The following SBF2 variants were observed in gnomAD, a reference collection of about 807,000 sequenced individuals.
The protein encoded by SBF2 is myotubularin-related protein 13.
SBF2 carries 112 observed loss-of-function variants against 225.2 expected under a neutral mutation model. The ratio of observed to expected loss-of-function variants is 0.50; its 90% CI spans 0.43 to 0.58. The LOEUF (loss-of-function observed/expected upper bound fraction) is 0.58. Ranked by LOEUF, SBF2 falls within the 20% of genes least tolerant of loss-of-function variation. The probability of loss-of-function intolerance (pLI) is 0.00; values close to 1 mark genes in which losing one functional copy is unlikely to be tolerated. For missense variants in SBF2, 1,996 were observed against 2,206.2 expected, an observed-to-expected ratio of 0.90 and a Z score of 1.91; for synonymous variants, 763 against 773.3, an observed-to-expected ratio of 0.99 and a Z score of 0.22.
At chr11:10,179,381 AAAAAAC>A (rs1956629306) in intron 2 of SBF2, among the ~76,000 whole-genome samples, 1 of 119,604 alleles carries the variant, frequency 8.4e-6, no homozygotes, top group Admixed American at 8.1e-5. Context: ...AACAAAAACA[AAAAAAC>A]AAAAAAAAAC....
At chr11:10,073,334 A>G (rs1052795797) in intron 2 of SBF2, among the ~76,000 whole-genome samples, 7 of 152,176 alleles carry the variant, frequency 4.6e-5, no homozygotes, top group Non-Finnish European at 8.8e-5. Flanking sequence ...AAATTTTCAA[A>G]TTCCTTATTA....
rs749774949 is a variant in SBF2 at position 9,961,960 on chromosome 11, T to C, written c.1857A>G (p.Leu619=). 3.7e-6 allele frequency: 6 copies of C among 1,612,896 alleles called. No homozygotes were observed. The African/African-American group carries it at 4.0e-5, about 11-fold the overall frequency. The change falls in exon 16 of 40, where the codon CTA becomes CTG. Residue 619 remains leucine (L), a synonymous_variant. Transcript: ENST00000256190. The stretch of plus-strand genomic sequence containing the variant: ...ATCTGAAAGAACTACAAATTACCTG[T>C]AGAGTACAATTCATCATCCTTATTA... ...DYIIRMMNCT[L]QDCSSLEEYN... is the part of the protein sequence containing the mutation.
At chr11:10,090,855 G>C (rs1445179521) in intron 2 of SBF2, among the ~76,000 whole-genome samples, 2 of 150,968 alleles carry the variant, frequency 1.3e-5, no homozygotes, top group African/African-American at 4.9e-5. Context: ...CAAGCATGAG[G>C]CCAGAATGCT....
At chr11:10,006,095 C>T (rs985760233) in intron 6 of SBF2, among the ~76,000 whole-genome samples, 1 of 152,216 alleles carries the variant, frequency 6.6e-6, no homozygotes, top group Non-Finnish European at 1.5e-5. Context: ...TTTCCAAAAA[C>T]CCACACCACC....
chr11:10,274,665 C>T (rs61889825), intron 1 of SBF2, among the ~76,000 whole-genome samples: 3 of 150,428 alleles, frequency 2.0e-5, no homozygotes, highest in African/African-American at 7.3e-5. Context: ...GCAGGAGAAT[C>T]GCTTGAACCT....
At chr11:9,837,483 A>G (rs1855803213) in intron 26 of SBF2, among the ~76,000 whole-genome samples, 1 of 152,250 alleles carries the variant, frequency 6.6e-6, no homozygotes, top group Non-Finnish European at 1.5e-5. Context: ...GGTAAATTAC[A>G]CTGACTGATT....
At chr11:10,060,790 AGGCC>A (rs1450823887) in intron 2 of SBF2, among the ~76,000 whole-genome samples, 1 of 152,174 alleles carries the variant, frequency 6.6e-6, no homozygotes, top group Non-Finnish European at 1.5e-5. Context: ...GCACTTTGGG[AGGCC>A]GAGGCAGGAG....
intron 5 of SBF2, among the ~76,000 whole-genome samples, chr11:10,029,149 T>G (rs1179970378): frequency 6.6e-6 from 1 of 152,186 alleles, no homozygotes; most frequent in Non-Finnish European, 1.5e-5. Context: ...CAAAATAAAT[T>G]ATCACCTATT....
chr11:9,810,012 A>G (rs1854088371), intron 30 of SBF2, among the ~76,000 whole-genome samples: 1 of 152,054 alleles, frequency 6.6e-6, no homozygotes. Context: ...GTGGTGGCTC[A>G]ACGCCTGTAA....
At position 9,899,040 on chromosome 11, in the gene SBF2, T is replaced by A. The variant is rs542896986; in HGVS notation, c.1861-3029A>T. 2.7e-5 allele frequency among the ~76,000 whole-genome samples: 4 copies of A among 146,930 alleles called. No individual in the cohort carries two copies. In the East Asian group the frequency reaches 8.0e-4, roughly 30 times the overall value. On this transcript the variant is annotated intron_variant, in intron 16 of 39. Transcript: ENST00000256190. ...AGTGTTACATGCTTTAGAGGAAGTT[T>A]AGTAAAATAAAGATTAAAAAAAAAA...
At chr11:10,213,026 C>T (rs1021389414) in intron 1 of SBF2, among the ~76,000 whole-genome samples, 2 of 150,512 alleles carry the variant, frequency 1.3e-5, no homozygotes, top group Non-Finnish European at 2.9e-5. Flanking sequence ...TTCAGTTTGG[C>T]GACAGAGCAA....
In SBF2 at chr11:9,853,697, T is replaced by C. The variant is rs764364310; in HGVS notation, c.2379A>G (p.Val793=). The part of the protein sequence containing the change: ...SIVTNSIAGS[V]AESYDTESGF... ...CACTCTCTGTATCATAGCTCTCAGCTACACTTCCTGCAATACTAAGACAGT... is the reference window on the plus strand; with the variant it reads ...CACTCTCTGTATCATAGCTCTCAGCCACACTTCCTGCAATACTAAGACAGT... Residue 793 remains valine (V), a synonymous_variant, in exon 20 of 40, where the codon GTA becomes GTG. Coordinates refer to ENST00000256190, the MANE Select transcript of SBF2 (RefSeq NM_030962.4). The C allele has an allele frequency of 6.2e-7, 1 of 1,614,000 alleles. No individual in the cohort carries two copies. Among genetic ancestry groups the C allele is most frequent in the Non-Finnish European group, 8.5e-7 (1 of 1,179,896 alleles).
intron 16 of SBF2, among the ~76,000 whole-genome samples, chr11:9,955,352 A>G (rs1328160097): frequency 6.6e-6 from 1 of 152,052 alleles, no homozygotes; most frequent in Non-Finnish European, 1.5e-5. Context: ...AAATAGATTC[A>G]TATCTACTTT....
Position 9,832,217 on chromosome 11 carries a change from T to G in SBF2, c.3652+7A>C. The G allele has an allele frequency of 6.2e-7, 1 of 1,612,192 alleles. No homozygotes were observed. Among genetic ancestry groups the G allele is most frequent in the African/African-American group, 1.3e-5 (1 of 75,018 alleles). On this transcript the variant is annotated splice_region_variant and intron_variant, in intron 27 of 39. Transcript: ENST00000256190. The stretch of plus-strand genomic sequence containing the variant: ...GGGTGGTAATTGTGTTATAGAGAGA[T>G]GCTTACCGGCCTGAGGGGAGTTCTG...
intron 2 of SBF2, among the ~76,000 whole-genome samples, chr11:10,156,774 C>CA (rs1325529339): frequency 1.3e-5 from 2 of 152,184 alleles, no homozygotes; most frequent in African/African-American, 4.8e-5. Flanking sequence ...AGAGATGACA[C>CA]AAACAACTGG....
chr11:10,093,822 A>G (rs1177895785), intron 2 of SBF2, among the ~76,000 whole-genome samples: 1 of 152,244 alleles, frequency 6.6e-6, no homozygotes, highest in African/African-American at 2.4e-5. Flanking sequence ...GAAAAACTGT[A>G]GGAAGATAGG....
intron 17 of SBF2, among the ~76,000 whole-genome samples, chr11:9,868,682 C>T (rs1320697027): frequency 6.6e-6 from 1 of 152,100 alleles, no homozygotes; most frequent in Non-Finnish European, 1.5e-5. Flanking sequence ...GTTTCTTTTT[C>T]CACCTGCAAT....
intron 16 of SBF2, among the ~76,000 whole-genome samples, chr11:9,934,609 C>T (rs148890853): frequency 1.7e-4 from 26 of 152,104 alleles, no homozygotes; most frequent in Admixed American, 7.2e-4. Flanking sequence ...TTATCCACCA[C>T]GATCAAGTCG....
intron 2 of SBF2, among the ~76,000 whole-genome samples, chr11:10,144,752 T>G (rs775187183): frequency 2.2e-4 from 34 of 152,324 alleles, no homozygotes; most frequent in Non-Finnish European, 4.9e-4. Flanking sequence ...CTTTATGGTC[T>G]CATGGTACAA....
Sources: allele counts gnomAD v4.1 joint callset (sites outside exome capture counted in the v4.1 genomes callset), GRCh38; gene constraint gnomAD v4.1.1; transcripts MANE v1.5; gene names NCBI Gene and HGNC (gene_info 2026-07-23, HGNC 2026-07-21).